MAGI2: variants seen among roughly 807,000 people sequenced by gnomAD.
MAGI2 encodes the protein membrane associated guanylate kinase, WW and PDZ domain containing 2, also known as membrane-associated guanylate kinase, WW and PDZ domain-containing protein 2.
In MAGI2, 35 loss-of-function variants were observed where a neutral mutation model predicts 133.3. The observed-to-expected ratio is 0.26, with a 90% CI of 0.20 to 0.35. The LOEUF (loss-of-function observed/expected upper bound fraction) is 0.35, where lower values mean the gene tolerates loss of function less well. MAGI2 is among the 10% of genes least tolerant of loss of function. MAGI2 has a pLI of 1.00. For missense variants in MAGI2, 1,636 were observed against 1,863.4 expected (o/e 0.88, Z 2.25); for synonymous variants, 729 against 710.6 (o/e 1.03, Z -0.41).
rs756268481 is a variant in MAGI2, at chr7:78,160,268, G to T, written c.2602C>A (p.Pro868Thr). 1 of 1,584,136 alleles carries T rather than the reference G, an allele frequency of 6.3e-7. No homozygotes were observed. Among genetic ancestry groups the T allele is most frequent in the African/African-American group, 1.3e-5 (1 of 74,444 alleles). ...GGACTTCTCCCGTTCTCTGGGCAGGGCTCCCCTGCAAAATATACCACACAC... is the reference window on the plus strand; with the variant it reads ...GGACTTCTCCCGTTCTCTGGGCAGGTCTCCCCTGCAAAATATACCACACAC... ...VRRKVLCGGE[P>T]CPENGRSPGS... The change falls in exon 16 of 22, where the codon CCC becomes ACC. Residue 868 changes from proline to threonine, a missense_variant. Physicochemically the swap from Pro to Thr is conservative, Grantham distance 38 (BLOSUM62 -1). Coordinates refer to ENST00000354212, the MANE Select transcript of MAGI2 (RefSeq NM_012301.4).
intron 2 of MAGI2, among the ~76,000 whole-genome samples, chr7:78,834,799 T>C (rs1791473440): frequency 6.6e-6 from 1 of 152,178 alleles, no homozygotes; most frequent in African/African-American, 2.4e-5. Context: ...GGATCCCTTA[T>C]GGCTTGGTGC....
intron 1 of MAGI2, among the ~76,000 whole-genome samples, chr7:79,091,608 C>CT (rs922652308): frequency 2.6e-5 from 4 of 151,682 alleles, no homozygotes; most frequent in African/African-American, 9.7e-5. Flanking sequence ...ACACATCTTT[C>CT]TTTAAAAAAA....
chr7:78,414,193 C>T (rs1798098154), intron 6 of MAGI2, among the ~76,000 whole-genome samples: 1 of 151,582 alleles, frequency 6.6e-6, no homozygotes. Context: ...ACATAAATGC[C>T]CGTAAATAAG....
intron 2 of MAGI2, among the ~76,000 whole-genome samples, chr7:78,773,712 G>T (rs1423572845): frequency 2.0e-5 from 3 of 152,176 alleles, no homozygotes; most frequent in African/African-American, 7.2e-5. Context: ...GTATGTGTCA[G>T]TTTTCTAGGT....
intron 7 of MAGI2, among the ~76,000 whole-genome samples, chr7:78,350,931 A>G (rs1008537541): frequency 1.3e-5 from 2 of 152,204 alleles, no homozygotes; most frequent in African/African-American, 4.8e-5. Context: ...CTTTTAGTGC[A>G]TAGTCGTGGA....
At chr7:78,947,945 T>C (rs1584474482) in intron 2 of MAGI2, among the ~76,000 whole-genome samples, 1 of 152,112 alleles carries the variant, frequency 6.6e-6, no homozygotes, top group African/African-American at 2.4e-5. Flanking sequence ...TTTCCTTAGA[T>C]CTTTTCTGAA....
intron 2 of MAGI2, among the ~76,000 whole-genome samples, chr7:78,668,561 A>G (rs1398770556): frequency 3.0e-4 from 45 of 151,494 alleles, no homozygotes; most frequent in African/African-American, 9.9e-4. Flanking sequence ...ATCTTGAATT[A>G]ATTTTTGTAT....
intron 6 of MAGI2, among the ~76,000 whole-genome samples, chr7:78,378,678 A>T (rs1794664030): frequency 6.6e-6 from 1 of 151,980 alleles, no homozygotes; most frequent in Non-Finnish European, 1.5e-5. Flanking sequence ...CACCATATAA[A>T]CAGTTTATTC....
intron 17 of MAGI2, 180 bp downstream of exon 17, chr7:78,134,841 A>G (rs995483396): frequency 5.2e-6 from 3 of 580,804 alleles, no homozygotes; most frequent in South Asian, 4.2e-5. Context: ...TAAACAAGAT[A>G]TGGATTGCAA....
chr7:78,897,191 C>T (rs1797277184), intron 2 of MAGI2, among the ~76,000 whole-genome samples: 1 of 152,160 alleles, frequency 6.6e-6, no homozygotes, highest in Non-Finnish European at 1.5e-5. Context: ...GTATAAGGAA[C>T]ACTTCTGAAG....
chr7:78,717,757 G>T (rs2151192563), intron 2 of MAGI2, among the ~76,000 whole-genome samples: 1 of 152,232 alleles, frequency 6.6e-6, no homozygotes, highest in African/African-American at 2.4e-5. Flanking sequence ...AGGAACCTAA[G>T]CCTAATAGAA....
chr7:79,311,693 G>A (rs575248543), intron 1 of MAGI2, among the ~76,000 whole-genome samples: 2 of 152,026 alleles, frequency 1.3e-5, no homozygotes, highest in East Asian at 3.9e-4. Flanking sequence ...TTAATGTCAG[G>A]TTCATATTCC....
At chr7:78,941,759 C>CACACACAT (rs1206761200) in intron 2 of MAGI2, among the ~76,000 whole-genome samples, 35 of 151,900 alleles carry the variant, frequency 2.3e-4, no homozygotes, top group Non-Finnish European at 5.0e-4. Flanking sequence ...CACACACACA[C>CACACACAT]ACACACACAC....
chr7:78,999,406 T>C (rs1806637811), intron 2 of MAGI2, among the ~76,000 whole-genome samples: 1 of 152,114 alleles, frequency 6.6e-6, no homozygotes, highest in Non-Finnish European at 1.5e-5. Flanking sequence ...TCCTTGATTT[T>C]CCATCTTAAG....
In MAGI2 at chr7:79,363,616, AG is replaced by A. The variant is rs1357788361; in HGVS notation, c.301+89403del. 2.0e-5 allele frequency among the ~76,000 whole-genome samples: 3 copies of A among 151,550 alleles called. No homozygotes were observed. The East Asian group carries it at 5.9e-4, about 30-fold the overall frequency. ...AACTATAAAATTGCTAGAAGGAAAC[AG>A]GGGAAGTTTTCCTTGACATAGGACT... On this transcript the variant is annotated intron_variant, in intron 1 of 21. Transcript: ENST00000354212.
chr7:78,722,006 CTTT>C (rs1001995902), intron 2 of MAGI2, among the ~76,000 whole-genome samples: 11 of 151,158 alleles, frequency 7.3e-5, no homozygotes, highest in South Asian at 4.2e-4. Context: ...TATAGAAAAA[CTTT>C]TTTATTTGTA....
At chr7:78,450,026 G>C (rs1788556340) in intron 6 of MAGI2, among the ~76,000 whole-genome samples, 1 of 151,906 alleles carries the variant, frequency 6.6e-6, no homozygotes, top group South Asian at 2.1e-4. Flanking sequence ...GAACATATTT[G>C]ATTCATTCAG....
intron 10 of MAGI2, among the ~76,000 whole-genome samples, chr7:78,232,607 T>G (rs1584491265): frequency 6.6e-6 from 1 of 152,168 alleles, no homozygotes; most frequent in Non-Finnish European, 1.5e-5. Context: ...GAAAGCACAA[T>G]GTGTCTTTCT....
intron 9 of MAGI2, among the ~76,000 whole-genome samples, chr7:78,303,417 C>T (rs1483039309): frequency 6.6e-6 from 1 of 150,486 alleles, no homozygotes; most frequent in African/African-American, 2.4e-5. Flanking sequence ...CCCTCCTCCT[C>T]CTGAATCATC....
Sources: gnomAD v4.1 joint callset for allele counts (sites outside exome capture counted in the v4.1 genomes callset) on GRCh38, gnomAD v4.1.1 for gene constraint, MANE v1.5 for transcripts, NCBI Gene and HGNC (gene_info 2026-07-23, HGNC 2026-07-21) for gene names.